PTPRD: variants seen among roughly 807,000 people sequenced by gnomAD.
PTPRD encodes the protein protein tyrosine phosphatase receptor type D.
PTPRD carries 34 observed loss-of-function variants against 214.5 expected under a neutral mutation model. The observed-to-expected ratio is 0.16, with a 90% CI of 0.12 to 0.21. The LOEUF (loss-of-function observed/expected upper bound fraction) is 0.21, where lower values mean the gene tolerates loss of function less well. Among genes scored for constraint, PTPRD ranks in the 10% least tolerant of loss-of-function variants. The probability of loss-of-function intolerance (pLI) is 1.00; values close to 1 mark genes in which losing one functional copy is unlikely to be tolerated. For missense variants in PTPRD, 2,545 were observed against 2,398.7 expected (o/e 1.06, Z -1.27); for synonymous variants, 1,128 against 845.7 (o/e 1.33, Z -5.79).
intron 11 of PTPRD, among the ~76,000 whole-genome samples, chr9:8,740,240 T>C (rs539812200): frequency 6.3e-4 from 96 of 152,136 alleles, no homozygotes; most frequent in African/African-American, 2.2e-3. Context: ...CAAGTAGAAA[T>C]AGTGTTAACG....
chr9:9,533,150 G>C (rs1319507770), intron 8 of PTPRD, among the ~76,000 whole-genome samples: 1 of 152,148 alleles, frequency 6.6e-6, no homozygotes, highest in African/African-American at 2.4e-5. Flanking sequence ...TCTTGATAGT[G>C]TGAGGGCTCC....
At position 9,509,081 on chromosome 9, in the gene PTPRD, T is replaced by C. The variant is rs61162989; in HGVS notation, c.-237+65651A>G. 3.6e-3 allele frequency among the ~76,000 whole-genome samples: 546 copies of C among 151,668 alleles called. 1 individual carries two copies. The highest frequency in any genetic ancestry group is 0.012 in the African/African-American group (505 of 41,440). On this transcript the variant is annotated intron_variant, in intron 8 of 45. Transcript: ENST00000381196. ...TTATTAAAATACTACATAAATGAAA[T>C]GTAAGAGGAATGCCATGATTAAGTT...
intron 7 of PTPRD, among the ~76,000 whole-genome samples, chr9:9,718,581 C>T (rs963392558): frequency 6.6e-6 from 1 of 152,228 alleles, no homozygotes; most frequent in African/African-American, 2.4e-5. Flanking sequence ...AAGCCCCCTT[C>T]CCCTGCAGGC....
chr9:8,982,228 A>G (rs2099316391), intron 11 of PTPRD, among the ~76,000 whole-genome samples: 1 of 152,050 alleles, frequency 6.6e-6, no homozygotes, highest in Non-Finnish European at 1.5e-5. Flanking sequence ...ATTGAAATGC[A>G]CGTATTCCAA....
intron 5 of PTPRD, among the ~76,000 whole-genome samples, chr9:9,934,321 A>T (rs962231905): frequency 6.6e-6 from 1 of 151,204 alleles, no homozygotes; most frequent in Admixed American, 6.6e-5. Context: ...AACAAAATAG[A>T]CTGCTAGCAA....
chr9:9,879,176 A>T (rs1017676627), intron 5 of PTPRD, among the ~76,000 whole-genome samples: 2 of 152,194 alleles, frequency 1.3e-5, no homozygotes, highest in African/African-American at 4.8e-5. Context: ...AGAAATTGTA[A>T]TCAGTAGTAT....
At chr9:10,076,160 T>C (rs1316810809) in intron 3 of PTPRD, among the ~76,000 whole-genome samples, 1 of 152,142 alleles carries the variant, frequency 6.6e-6, no homozygotes, top group Non-Finnish European at 1.5e-5. Flanking sequence ...CTCTGGCTTC[T>C]TGAGTGCAGG....
chr9:9,689,740 T>C (rs1465341476), intron 7 of PTPRD, among the ~76,000 whole-genome samples: 1 of 151,942 alleles, frequency 6.6e-6, no homozygotes, highest in African/African-American at 2.4e-5. Context: ...AGTACAATAT[T>C]TGTCTTTTTG....
chr9:10,046,229 T>C (rs897248155), intron 3 of PTPRD, among the ~76,000 whole-genome samples: 5 of 151,842 alleles, frequency 3.3e-5, no homozygotes, highest in Non-Finnish European at 7.4e-5. Flanking sequence ...ATAATTTCAA[T>C]ATTATATTCT....
intron 10 of PTPRD, among the ~76,000 whole-genome samples, chr9:9,049,390 C>T (rs916203335): frequency 1.3e-5 from 2 of 152,056 alleles, no homozygotes; most frequent in African/African-American, 4.8e-5. Flanking sequence ...TGTAGTGGCT[C>T]AAGTTAACCA....
chr9:9,054,493 G>C (rs1402742345), intron 10 of PTPRD, among the ~76,000 whole-genome samples: 2 of 152,032 alleles, frequency 1.3e-5, no homozygotes, highest in Admixed American at 6.6e-5. Flanking sequence ...CCTACATCTA[G>C]ACCTTCATGA....
intron 8 of PTPRD, among the ~76,000 whole-genome samples, chr9:9,470,842 C>T (rs1238144447): frequency 2.0e-5 from 3 of 152,132 alleles, no homozygotes; most frequent in South Asian, 4.1e-4. Context: ...TTATTAAGTT[C>T]ATATGGGGAG....
intron 7 of PTPRD, among the ~76,000 whole-genome samples, chr9:9,726,057 G>C (rs2098084528): frequency 6.6e-6 from 1 of 152,150 alleles, no homozygotes. Flanking sequence ...TAGAATTTAA[G>C]TAGAAAAATA....
intron 7 of PTPRD, among the ~76,000 whole-genome samples, chr9:9,657,890 G>T (rs1740209316): frequency 6.6e-6 from 1 of 152,150 alleles, no homozygotes; most frequent in African/African-American, 2.4e-5. Context: ...AAAACAGTGA[G>T]ATTTTCCCCC....
At chr9:10,286,010 T>C (rs550563948) in intron 3 of PTPRD, among the ~76,000 whole-genome samples, 1 of 152,280 alleles carries the variant, frequency 6.6e-6, no homozygotes, top group Admixed American at 6.5e-5. Context: ...TTCTATACAC[T>C]GAGAAAGGGC....
At chr9:9,419,246 A>T (rs1185546358) in intron 8 of PTPRD, among the ~76,000 whole-genome samples, 1 of 109,382 alleles carries the variant, frequency 9.1e-6, no homozygotes, top group Non-Finnish European at 2.0e-5. Flanking sequence ...GAAAATGAAG[A>T]CAGTCTCATT....
chr9:8,726,260 G>C (rs776363002), intron 12 of PTPRD, among the ~76,000 whole-genome samples: 3 of 151,862 alleles, frequency 2.0e-5, no homozygotes, highest in Non-Finnish European at 2.9e-5. Flanking sequence ...GGCAGGAGGG[G>C]ATGGGGCTCC....
At chr9:8,795,898 C>G (rs1040856399) in intron 11 of PTPRD, among the ~76,000 whole-genome samples, 1 of 151,986 alleles carries the variant, frequency 6.6e-6, no homozygotes, top group East Asian at 1.9e-4. Flanking sequence ...AAAGTATGCA[C>G]CAAGTCGCAT....
At chr9:10,378,084 G>C (rs542536111) in intron 2 of PTPRD, among the ~76,000 whole-genome samples, 1 of 152,124 alleles carries the variant, frequency 6.6e-6, no homozygotes, top group East Asian at 1.9e-4. Flanking sequence ...ATTACAGCCT[G>C]TCTTTTGGAT....
Sources: allele counts gnomAD v4.1 joint callset (sites outside exome capture counted in the v4.1 genomes callset), GRCh38; gene constraint gnomAD v4.1.1; transcripts MANE v1.5; gene names NCBI Gene and HGNC (gene_info 2026-07-23, HGNC 2026-07-21).